CATSPERB: variants seen among roughly 807,000 people sequenced by gnomAD.
CATSPERB encodes catsper channel auxiliary subunit beta.
In CATSPERB, 93 loss-of-function variants were observed where a neutral mutation model predicts 128.3. The ratio of observed to expected loss-of-function variants is 0.72; its 90% confidence interval spans 0.61 to 0.86. CATSPERB has a LOEUF of 0.86. CATSPERB is among the 40% of genes least tolerant of loss of function. The pLI is 0.00. For synonymous variants in CATSPERB, 381 were observed against 448.8 expected, an observed-to-expected ratio of 0.85 and a Z score of 1.91; for missense variants, 1,153 against 1,329.5, an observed-to-expected ratio of 0.87 and a Z score of 2.06.
chr14:91,729,840 A>G (rs1005782476), intron 1 of CATSPERB, among the ~76,000 whole-genome samples: 4 of 152,132 alleles, frequency 2.6e-5, no homozygotes, highest in Non-Finnish European at 4.4e-5. Flanking sequence ...TATTTTGACA[A>G]CGTTGCTTTT....
chr14:91,622,545 T>C (rs1344961823), intron 18 of CATSPERB, among the ~76,000 whole-genome samples: 1 of 152,164 alleles, frequency 6.6e-6, no homozygotes, highest in East Asian at 1.9e-4. Context: ...GCTGTTGAAA[T>C]GAGAGGGAAG....
chr14:91,705,953 G>A (rs556268221), intron 6 of CATSPERB, among the ~76,000 whole-genome samples: 168 of 151,214 alleles, frequency 1.1e-3, no homozygotes, highest in Non-Finnish European at 2.1e-3. Context: ...TTTTCTTTTA[G>A]AAAAAAATGA....
chr14:91,652,485 C>G (rs1001447777), intron 15 of CATSPERB, among the ~76,000 whole-genome samples: 4 of 147,518 alleles, frequency 2.7e-5, no homozygotes, highest in African/African-American at 1.0e-4. Context: ...AAGGTGAAAC[C>G]CTGTCTCTAC....
intron 3 of CATSPERB, among the ~76,000 whole-genome samples, chr14:91,724,621 C>T (rs746602189): frequency 6.6e-6 from 1 of 151,804 alleles, no homozygotes; most frequent in Non-Finnish European, 1.5e-5. Flanking sequence ...TATTTTACTC[C>T]GTTGTGTGTG....
chr14:91,626,648 C>T (rs976834387), intron 17 of CATSPERB, among the ~76,000 whole-genome samples: 15 of 152,122 alleles, frequency 9.9e-5, no homozygotes, highest in Non-Finnish European at 1.8e-4. Flanking sequence ...CATGTGCTCA[C>T]CCTTCTGCCT....
intron 10 of CATSPERB, among the ~76,000 whole-genome samples, chr14:91,687,170 T>A (rs1331398737): frequency 6.6e-6 from 1 of 152,130 alleles, no homozygotes; most frequent in Non-Finnish European, 1.5e-5. Context: ...AGGGTGAATA[T>A]ACAGAGAGGT....
At chr14:91,614,492 A>G (rs1893897367) in intron 20 of CATSPERB, among the ~76,000 whole-genome samples, 1 of 152,142 alleles carries the variant, frequency 6.6e-6, no homozygotes, top group Non-Finnish European at 1.5e-5. Context: ...GTAAAACCCC[A>G]TCTCTACTAA....
intron 17 of CATSPERB, among the ~76,000 whole-genome samples, chr14:91,625,997 T>C (rs1385108641): frequency 6.6e-6 from 1 of 152,086 alleles, no homozygotes; most frequent in Non-Finnish European, 1.5e-5. Flanking sequence ...TGGTGGCACA[T>C]GCCTGTAATC....
At chr14:91,603,226 T>A (rs955462153) in intron 22 of CATSPERB, 11 of 880,916 alleles carry the variant, frequency 1.2e-5, no homozygotes, top group Non-Finnish European at 2.2e-5. Flanking sequence ...TAGGGCATTC[T>A]TTTCATTGTT....
At chr14:91,650,707 T>TCCATCCATCCAC (rs10628322) in intron 15 of CATSPERB, among the ~76,000 whole-genome samples, 11,750 of 151,408 alleles carry the variant, frequency 0.078, 491 homozygotes, top group Middle Eastern at 0.16. Context: ...CATCCATCCA[T>TCCATCCATCCAC]CCACCCACCC....
intron 1 of CATSPERB, 139 bp from the exon 2 acceptor site, chr14:91,729,618 A>C (rs77570325): frequency 0.027 from 13,451 of 494,534 alleles, 268 homozygotes; most frequent in Non-Finnish European, 0.035. Context: ...AAAGCAGACA[A>C]CACAACAGTT....
Position 91,621,742 on chromosome 14 carries a change from C to T in CATSPERB, c.2126G>A (p.Arg709Gln), listed in dbSNP as rs140842196. The T allele has an allele frequency of 6.7e-4, 1,081 of 1,614,044 alleles. No individual in the cohort carries two copies. The highest frequency in any genetic ancestry group is 8.4e-4 in the Non-Finnish European group (996 of 1,179,948). Residue 709 changes from arginine to glutamine, a missense_variant, in exon 19 of 27, where the codon CGA (arginine) becomes CAA (glutamine). Transcript: ENST00000256343. ...FLYNFGQRNG[R>Q]TWKIYSKPCN... The stretch of plus-strand genomic sequence containing the variant: ...TGGTTTTGAATATATTTTCCATGTT[C>T]GTCCATTCCTTTGCCCAAAGTTGTA...
At chr14:91,705,834 G>T (rs566489582) in intron 6 of CATSPERB, among the ~76,000 whole-genome samples, 2 of 152,286 alleles carry the variant, frequency 1.3e-5, no homozygotes, top group Admixed American at 1.3e-4. Flanking sequence ...TCGAAAGAAC[G>T]TCATCAGACA....
At chr14:91,622,699 C>A (rs1047516783) in intron 18 of CATSPERB, among the ~76,000 whole-genome samples, 2 of 152,088 alleles carry the variant, frequency 1.3e-5, no homozygotes, top group Non-Finnish European at 2.9e-5. Flanking sequence ...CAGTTCAAAC[C>A]GACCAACGAA....
intron 10 of CATSPERB, among the ~76,000 whole-genome samples, chr14:91,684,993 C>A (rs1002360446): frequency 6.6e-6 from 1 of 151,970 alleles, no homozygotes; most frequent in Admixed American, 6.6e-5. Context: ...GTGGCATGAT[C>A]GTAGCTCACT....
chr14:91,697,604 G>A (rs1423157960), intron 7 of CATSPERB, among the ~76,000 whole-genome samples: 1 of 152,188 alleles, frequency 6.6e-6, no homozygotes, highest in Non-Finnish European at 1.5e-5. Flanking sequence ...TGTATGGCTA[G>A]CCAGCTACCC....
Position 91,639,112 on chromosome 14 carries a change from C to A in CATSPERB, c.1571G>T (p.Arg524Ile). ...SGPPTAFGNS[R>I]NLFGQPPDMG... is the part of the protein sequence containing the mutation. ...TATACTGACCTGTCCAAAAAGATTTCTAGAATTTCCAAAGGCTGTGGGTGG... is the reference window on the plus strand; with the variant it reads ...TATACTGACCTGTCCAAAAAGATTTATAGAATTTCCAAAGGCTGTGGGTGG... The change falls in exon 16 of 27, where the codon AGA becomes ATA. Residue 524 changes from arginine (R) to isoleucine (I), a missense_variant. Coordinates refer to ENST00000256343, the MANE Select transcript of CATSPERB (RefSeq NM_024764.4). 3 of 1,613,886 alleles carry A rather than the reference C, an allele frequency of 1.9e-6. No individual in the cohort carries two copies. Among genetic ancestry groups the A allele is most frequent in the Non-Finnish European group, 2.5e-6 (3 of 1,179,960 alleles).
intron 17 of CATSPERB, among the ~76,000 whole-genome samples, chr14:91,630,853 C>T (rs565034188): frequency 2.0e-5 from 3 of 152,208 alleles, no homozygotes; most frequent in Non-Finnish European, 2.9e-5. Context: ...TTACACTCTT[C>T]CTGCATCCTA....
At chr14:91,696,454 GA>G (rs1288804123) in intron 7 of CATSPERB, among the ~76,000 whole-genome samples, 1 of 152,236 alleles carries the variant, frequency 6.6e-6, no homozygotes, top group Non-Finnish European at 1.5e-5. Flanking sequence ...TGGCAATATG[GA>G]AACTGTGAGT....
Sources: gnomAD v4.1 joint callset for allele counts (sites outside exome capture counted in the v4.1 genomes callset) on GRCh38, gnomAD v4.1.1 for gene constraint, MANE v1.5 for transcripts, NCBI Gene and HGNC (gene_info 2026-07-23, HGNC 2026-07-21) for gene names.